SMPD3: variants seen among roughly 807,000 people sequenced by gnomAD.
SMPD3 encodes sphingomyelin phosphodiesterase 3.
Under a neutral mutation model 55.7 loss-of-function variants are expected in SMPD3, and 21 were observed. The ratio of observed to expected loss-of-function variants is 0.38; its 90% CI spans 0.27 to 0.54. The LOEUF is 0.54. Ranked by LOEUF, SMPD3 falls within the 20% of genes least tolerant of loss-of-function variation. SMPD3 has a pLI of 0.80. For missense variants in SMPD3, 842 were observed against 899.6 expected, an observed-to-expected ratio of 0.94 and a Z score of 0.82; for synonymous variants, 457 against 404.3, an observed-to-expected ratio of 1.13 and a Z score of -1.56.
intron 1 of SMPD3, among the ~76,000 whole-genome samples, chr16:68,445,221 CTAATT>C (rs2152036785): frequency 6.6e-6 from 1 of 152,248 alleles, no homozygotes; most frequent in African/African-American, 2.4e-5. Context: ...ATGTTATTGA[CTAATT>C]TAATAATGAC....
chr16:68,389,194 G>A (rs928088221), intron 1 of SMPD3, among the ~76,000 whole-genome samples: 1 of 152,230 alleles, frequency 6.6e-6, no homozygotes, highest in Non-Finnish European at 1.5e-5. Flanking sequence ...AGAGCAGGGA[G>A]GGCCTGGGGG....
Position 68,371,326 on chromosome 16 carries a change from C to A in SMPD3, c.856G>T (p.Asp286Tyr). The A allele has an allele frequency of 1.3e-6, 2 of 1,596,552 alleles. No individual in the cohort carries two copies. The highest frequency in any genetic ancestry group is 1.7e-6 in the Non-Finnish European group (2 of 1,178,192). ...CTGCCCAGGCTCCCTGAATCCCCGT[C>A]CTGCTGATTATGGTTGGGCGTCTGG... ...RGQTPNHNQQ[D>Y]GDSGSLGSPS... The change falls in exon 3 of 9, where the codon GAC becomes TAC. Residue 286 changes from aspartate (D) to tyrosine (Y), a missense_variant. Physicochemically the swap from Asp to Tyr is radical, Grantham distance 160 (BLOSUM62 -3). Transcript: ENST00000219334.
At chr16:68,401,972 C>T (rs1362590524) in intron 1 of SMPD3, among the ~76,000 whole-genome samples, 8 of 152,124 alleles carry the variant, frequency 5.3e-5, no homozygotes, top group Non-Finnish European at 8.8e-5. Context: ...CTCACAGAGG[C>T]GGTAGCCACA....
intron 1 of SMPD3, among the ~76,000 whole-genome samples, chr16:68,428,858 G>C (rs1219790846): frequency 6.6e-6 from 1 of 152,184 alleles, no homozygotes; most frequent in East Asian, 1.9e-4. Flanking sequence ...AGAGAGCCCA[G>C]AGGAGACCAG....
At chr16:68,376,321 G>A (rs529860713) in intron 2 of SMPD3, among the ~76,000 whole-genome samples, 2 of 152,306 alleles carry the variant, frequency 1.3e-5, no homozygotes, top group Non-Finnish European at 2.9e-5. Flanking sequence ...TGTTGCCTGC[G>A]CTCCTTTGGC....
rs370664794 is a variant in SMPD3 at position 68,364,927 on chromosome 16, G to C, written c.1400-21C>G. 108 of 1,612,906 alleles carry C rather than the reference G, an allele frequency of 6.7e-5. No individual in the cohort carries two copies. In the African/African-American group the frequency reaches 7.7e-4, roughly 12 times the overall value. On this transcript the variant is annotated intron_variant, in intron 4 of 8. Coordinates refer to ENST00000219334, the MANE Select transcript of SMPD3 (RefSeq NM_018667.4). ...GTCCTCTGCAGGGCAGAAGTACAGA[G>C]ACTGGATGATGAAGTTCGCCCCAGA... is the stretch of plus-strand genomic sequence containing the variant.
At chr16:68,374,166 G>A (rs979017722) in intron 2 of SMPD3, among the ~76,000 whole-genome samples, 45 of 152,360 alleles carry the variant, frequency 3.0e-4, no homozygotes, top group African/African-American at 8.9e-4. Flanking sequence ...CAGGACATGG[G>A]GGATGAGGGG....
At position 68,358,865 on chromosome 16, in the gene SMPD3, C is replaced by T. The variant is rs1411726740; in HGVS notation, c.*2341G>A. 1 of 152,504 alleles carries T rather than the reference C, an allele frequency of 6.6e-6. No homozygotes were observed. Among genetic ancestry groups the T allele is most frequent in the Non-Finnish European group, 1.5e-5 (1 of 68,058 alleles). The allele number at this position is 152,504 out of a possible 1,614,324, so 9.4% of individuals were successfully genotyped here. A position where few individuals can be genotyped will look rare whatever the true frequency, so the allele number is the denominator to read the frequency against. ...AATCAGTGGAAGGGCCTGGCCTGCA[C>T]ACAAGGCCCGGGAGTCCATAGGCAG... is the stretch of plus-strand genomic sequence containing the variant. On this transcript the variant is annotated 3_prime_UTR_variant, in exon 9 of 9. Transcript: ENST00000219334.
chr16:68,363,512 G>A lies in SMPD3; in HGVS notation c.1693C>T (p.Pro565Ser). Residue 565 changes from proline (P) to serine (S), a missense_variant, in exon 7 of 9, where the codon CCC (proline) becomes TCC (serine). By Grantham distance (74) the Pro-to-Ser change is moderately conservative. Coordinates refer to ENST00000219334, the MANE Select transcript of SMPD3 (RefSeq NM_018667.4). ...NGLYDEDVCT[P>S]DNLQKVLESE... Reference sequence around the variant, plus strand: ...AGTGCTTACTTCTGCAGGTTGTCGGGGGTGCACACATCCTCATCGTACAGG... The same window carrying A: ...AGTGCTTACTTCTGCAGGTTGTCGGAGGTGCACACATCCTCATCGTACAGG... 1 of 1,614,072 alleles carries A rather than the reference G, an allele frequency of 6.2e-7. No individual in the cohort carries two copies. Among genetic ancestry groups the A allele is most frequent in the Non-Finnish European group, 8.5e-7 (1 of 1,180,014 alleles).
intron 2 of SMPD3, among the ~76,000 whole-genome samples, chr16:68,376,674 C>T (rs79039534): frequency 1.3e-5 from 2 of 152,198 alleles, no homozygotes; most frequent in Non-Finnish European, 2.9e-5. Flanking sequence ...CCCGTTGTCT[C>T]CAGGTCGTCA....
chr16:68,393,563 T>C (rs2090130743), intron 1 of SMPD3, among the ~76,000 whole-genome samples: 1 of 152,164 alleles, frequency 6.6e-6, no homozygotes, highest in South Asian at 2.1e-4. Context: ...TGCATAGACA[T>C]GTCCAGACAG....
chr16:68,398,744 C>T (rs183525886), intron 1 of SMPD3, among the ~76,000 whole-genome samples: 1 of 152,240 alleles, frequency 6.6e-6, no homozygotes, highest in African/African-American at 2.4e-5. Flanking sequence ...TCTCCATGTT[C>T]CCAAGTTTAG....
At chr16:68,435,069 T>C (rs1218675123) in intron 1 of SMPD3, among the ~76,000 whole-genome samples, 1 of 152,130 alleles carries the variant, frequency 6.6e-6, no homozygotes, top group Non-Finnish European at 1.5e-5. Context: ...GAAAGTGTCA[T>C]CACTACTACC....
At position 68,370,931 on chromosome 16, in the gene SMPD3, G is replaced by A. The variant is rs746136289; in HGVS notation, c.1251C>T (p.Asp417=). The change falls in exon 3 of 9, where the codon GAC becomes GAT. Residue 417 remains aspartate (D), a synonymous_variant. Transcript: ENST00000219334. ...LLFASRYPIM[D]VAYHCYPNKC... Reference sequence around the variant, plus strand: ...TGTTGGGGTAACAGTGATAGGCCACGTCCATGATGGGGTAGCGGCTGGCAA... The same window carrying A: ...TGTTGGGGTAACAGTGATAGGCCACATCCATGATGGGGTAGCGGCTGGCAA... 7.4e-6 allele frequency: 12 copies of A among 1,614,082 alleles called. No individual in the cohort carries two copies. Among genetic ancestry groups the A allele is most frequent in the East Asian group, 6.7e-5 (3 of 44,902 alleles).
chr16:68,371,462 C>T lies in SMPD3; in HGVS notation c.720G>A (p.Glu240=). ...SGDPVDSSSP[E]DACIVRIGGE... ...CACCGATGCGCACGATGCAGGCATC[C>T]TCCGGGCTGCTGCTGTCGACAGGGT... The change falls in exon 3 of 9, where the codon GAG becomes GAA. Residue 240 remains glutamate, a synonymous_variant. Coordinates refer to ENST00000219334, the MANE Select transcript of SMPD3 (RefSeq NM_018667.4). The T allele has an allele frequency of 1.3e-6, 2 of 1,595,856 alleles. No homozygotes were observed. The highest frequency in any genetic ancestry group is 1.3e-5 in the African/African-American group (1 of 74,822).
intron 1 of SMPD3, among the ~76,000 whole-genome samples, chr16:68,432,918 C>T (rs2090491762): frequency 6.6e-6 from 1 of 152,168 alleles, no homozygotes; most frequent in Non-Finnish European, 1.5e-5. Flanking sequence ...ATCCTCTCAC[C>T]TCAGCCTCCA....
At chr16:68,379,742 CTT>C (rs1387960319) in intron 2 of SMPD3, among the ~76,000 whole-genome samples, 1 of 152,234 alleles carries the variant, frequency 6.6e-6, no homozygotes, top group Non-Finnish European at 1.5e-5. Flanking sequence ...CAAAAAGAAA[CTT>C]TTCACAGGAG....
At chr16:68,375,052 G>A (rs1345945237) in intron 2 of SMPD3, among the ~76,000 whole-genome samples, 1 of 152,170 alleles carries the variant, frequency 6.6e-6, no homozygotes, top group Non-Finnish European at 1.5e-5. Context: ...CCTCATCTCT[G>A]TGGCCTGAGG....
chr16:68,433,339 C>T (rs2090495407), intron 1 of SMPD3, among the ~76,000 whole-genome samples: 1 of 152,244 alleles, frequency 6.6e-6, no homozygotes, highest in African/African-American at 2.4e-5. Context: ...CTCATGTGTT[C>T]AGAGGGTCTG....
Sources: allele counts gnomAD v4.1 joint callset (sites outside exome capture counted in the v4.1 genomes callset), GRCh38; gene constraint gnomAD v4.1.1; transcripts MANE v1.5; gene names NCBI Gene and HGNC (gene_info 2026-07-23, HGNC 2026-07-21).